Variants in DIP2A observed in about 807,000 individuals in gnomAD.
The protein encoded by DIP2A is DIP2 acetate--CoA ligase A.
A neutral mutation model predicts 177.4 loss-of-function variants in DIP2A; 85 were observed. The observed-to-expected ratio is 0.48, with a 90% confidence interval of 0.40 to 0.57. DIP2A has a LOEUF of 0.57. Among genes scored for constraint, DIP2A ranks in the 20% least tolerant of loss-of-function variants. The pLI is 0.00. For synonymous variants in DIP2A, 886 were observed against 881.8 expected (o/e 1.00, Z -0.08); for missense variants, 1,791 against 2,100.2 (o/e 0.85, Z 2.88).
intron 5 of DIP2A, among the ~76,000 whole-genome samples, chr21:46,503,321 A>G (rs1251758766): frequency 8.0e-6 from 1 of 125,202 alleles, no homozygotes; most frequent in Non-Finnish European, 1.8e-5. Context: ...GTGAGACTCC[A>G]TCTCAAAAAA....
intron 9 of DIP2A, among the ~76,000 whole-genome samples, chr21:46,530,797 A>G (rs2059325149): frequency 6.6e-6 from 1 of 152,216 alleles, no homozygotes; most frequent in Non-Finnish European, 1.5e-5. Flanking sequence ...GGTACAGAAA[A>G]GAATCCCAGA....
intron 1 of DIP2A, among the ~76,000 whole-genome samples, chr21:46,484,339 C>T (rs1034270012): frequency 6.6e-6 from 1 of 152,164 alleles, no homozygotes; most frequent in Non-Finnish European, 1.5e-5. Context: ...TTTTGACAAA[C>T]GCATATGCTC....
intron 36 of DIP2A, 100 bp from the exon 37 acceptor site, chr21:46,566,460 C>T: frequency 6.6e-7 from 1 of 1,523,144 alleles, no homozygotes; most frequent in Admixed American, 1.9e-5. Context: ...GTTGAGACCT[C>T]CCTGTGCCTG....
chr21:46,545,689 C>T (rs990125036), intron 19 of DIP2A, among the ~76,000 whole-genome samples, 192 bp from the exon 20 acceptor site: 1 of 152,238 alleles, frequency 6.6e-6, no homozygotes, highest in Non-Finnish European at 1.5e-5. Context: ...TGCTTGTTTC[C>T]TGCCTCAGGA....
the DIP2A span, among the ~76,000 whole-genome samples, chr21:46,575,207 G>A: frequency 6.6e-6 from 1 of 152,040 alleles, no homozygotes; most frequent in Non-Finnish European, 1.5e-5. Context: ...TGCAGCAAAG[G>A]CATTTGGCAA....
intron 8 of DIP2A, among the ~76,000 whole-genome samples, chr21:46,527,698 C>T (rs950071901): frequency 8.6e-5 from 13 of 151,954 alleles, no homozygotes; most frequent in Admixed American, 5.2e-4. Flanking sequence ...ACCTGAGCTT[C>T]ATATTATTAC....
intron 32 of DIP2A, among the ~76,000 whole-genome samples, chr21:46,560,127 C>G (rs2060615641): frequency 6.6e-6 from 1 of 152,216 alleles, no homozygotes; most frequent in Non-Finnish European, 1.5e-5. Context: ...AATTCCAGTG[C>G]AGACACAGGT....
In DIP2A at chr21:46,490,707, C is replaced by T. The variant is rs539598585; in HGVS notation, c.271C>T (p.Arg91Cys). The T allele has an allele frequency of 6.3e-5, 100 of 1,579,472 alleles. No homozygotes were observed. The highest frequency in any genetic ancestry group is 7.8e-5 in the Non-Finnish European group (91 of 1,162,782). The change falls in exon 3 of 38, where the codon CGC becomes TGC. Residue 91 changes from arginine to cysteine, a missense_variant. Physicochemically the swap from Arg to Cys is radical, Grantham distance 180. Transcript: ENST00000417564. ...TCGGCCCACCGCCTCGAGGGATGAG[C>T]GCTTCCGGTCAGGTAGGGTCACAGC... The part of the protein sequence containing the change: ...KSRPTASRDE[R>C]FRSDVHTEAV...
chr21:46,523,426 T>C (rs2058920263), intron 8 of DIP2A, among the ~76,000 whole-genome samples: 1 of 147,480 alleles, frequency 6.8e-6, no homozygotes, highest in Non-Finnish European at 1.5e-5. Flanking sequence ...TTTGTATTTT[T>C]AGTAGAGACG....
Position 46,557,043 on chromosome 21 carries a change from T to G in DIP2A, c.3603T>G (p.Leu1201=). The stretch of plus-strand genomic sequence containing the variant: ...TCTGCCTCGACCCCTACTGTGGCCT[T>G]GGTTTTGCCCTGTGGTGTCTGTGCA... ...IAICLDPYCG[L]GFALWCLCSV... Residue 1201 remains leucine, a synonymous_variant, in exon 30 of 38, where the codon CTT becomes CTG. Coordinates refer to ENST00000417564, the MANE Select transcript of DIP2A (RefSeq NM_015151.4). This position sits in a 1 kb window ranked among gnomAD's most constrained non-coding sequence, Gnocchi z 6.0. The G allele has an allele frequency of 1.2e-6, 2 of 1,607,242 alleles. No homozygotes were observed. Among genetic ancestry groups the G allele is most frequent in the Non-Finnish European group, 1.7e-6 (2 of 1,177,136 alleles).
In DIP2A at chr21:46,534,702, G is replaced by A. The variant is rs1199963455; in HGVS notation, c.1642+15G>A. The A allele has an allele frequency of 1.3e-6, 2 of 1,599,738 alleles. No individual in the cohort carries two copies. Among genetic ancestry groups the A allele is most frequent in the South Asian group, 1.1e-5 (1 of 90,462 alleles). On this transcript the variant is annotated intron_variant, in intron 13 of 37. Coordinates refer to ENST00000417564, the MANE Select transcript of DIP2A (RefSeq NM_015151.4). ...GTACTCAGAAGGTAAGGGCTCTCGG[G>A]GGTGGGGCGGTGGCCCCTCCAGCCT...
chr21:46,503,115 G>T (rs1282845047), intron 5 of DIP2A, among the ~76,000 whole-genome samples: 1 of 152,046 alleles, frequency 6.6e-6, no homozygotes, highest in Non-Finnish European at 1.5e-5. Flanking sequence ...TTGAGTCCAG[G>T]AGTTCAAGAC....
At chr21:46,530,172 G>T (rs1386109823) in intron 9 of DIP2A, among the ~76,000 whole-genome samples, 1 of 152,160 alleles carries the variant, frequency 6.6e-6, no homozygotes, top group East Asian at 1.9e-4. Context: ...AAAGTCCAGG[G>T]TGGAAAATAG....
At chr21:46,489,539 C>T (rs575996726) in intron 2 of DIP2A, among the ~76,000 whole-genome samples, 4 of 152,270 alleles carry the variant, frequency 2.6e-5, no homozygotes, top group Admixed American at 6.5e-5. Flanking sequence ...CAGGTAGAGC[C>T]GTGTCGCCTT....
chr21:46,510,991 C>G (rs2058283195), intron 7 of DIP2A, among the ~76,000 whole-genome samples: 1 of 152,128 alleles, frequency 6.6e-6, no homozygotes, highest in Non-Finnish European at 1.5e-5. Flanking sequence ...TGTTTGGATC[C>G]CTAGGCTGAA....
chr21:46,554,441 A>T, intron 26 of DIP2A, 134 bp from the exon 27 acceptor site: 1 of 1,538,320 alleles, frequency 6.5e-7, no homozygotes, highest in Middle Eastern at 2.0e-4. Flanking sequence ...CAGCTCAGCT[A>T]CCCCTGTGGA....
intron 1 of DIP2A, among the ~76,000 whole-genome samples, chr21:46,481,524 GAACTTCCA>G (rs1339567012): frequency 1.3e-5 from 2 of 152,198 alleles, no homozygotes; most frequent in Admixed American, 1.3e-4. Flanking sequence ...ACTGTATAAA[GAACTTCCA>G]CACTGTTTTC....
chr21:46,517,845 T>C (rs2058656348), intron 8 of DIP2A, among the ~76,000 whole-genome samples: 1 of 152,248 alleles, frequency 6.6e-6, no homozygotes, highest in Non-Finnish European at 1.5e-5. Context: ...TCCCTGAACA[T>C]GGACAGCGTA....
At chr21:46,581,915 A>T in the DIP2A span, among the ~76,000 whole-genome samples, 1 of 152,214 alleles carries the variant, frequency 6.6e-6, no homozygotes, top group African/African-American at 2.4e-5. Flanking sequence ...TCACCCAGTC[A>T]GGAGGCTTGG....
Sources: gnomAD v4.1 joint callset for allele counts (sites outside exome capture counted in the v4.1 genomes callset) on GRCh38, gnomAD v4.1.1 for gene constraint, Gnocchi (gnomAD v3.1) non-coding constraint, MANE v1.5 for transcripts, NCBI Gene and HGNC (gene_info 2026-07-23, HGNC 2026-07-21) for gene names.